The following BABAM2 variants were observed in gnomAD, a reference collection of about 807,000 sequenced individuals.
BABAM2 encodes BRISC and BRCA1 A complex member 2.
In BABAM2, 31 loss-of-function variants were observed where a neutral mutation model predicts 54.7. That is an observed-to-expected ratio of 0.57 (90% CI 0.43 to 0.77). The LOEUF (loss-of-function observed/expected upper bound fraction) is 0.77, where lower values mean the gene tolerates loss of function less well. Among genes scored for constraint, BABAM2 ranks in the 30% least tolerant of loss-of-function variants. The pLI is 0.00. For missense variants in BABAM2, 364 were observed against 455.8 expected, an observed-to-expected ratio of 0.80 and a Z score of 1.83; for synonymous variants, 167 against 162.9, an observed-to-expected ratio of 1.03 and a Z score of -0.19.
intron 6 of BABAM2, among the ~76,000 whole-genome samples, chr2:28,109,590 T>A (rs1246338909): frequency 6.6e-6 from 1 of 152,196 alleles, no homozygotes; most frequent in Non-Finnish European, 1.5e-5. Flanking sequence ...TAACATTTTC[T>A]GATTTTCTTT....
At chr2:28,002,816 G>C (rs2148515347) in intron 4 of BABAM2, among the ~76,000 whole-genome samples, 1 of 152,238 alleles carries the variant, frequency 6.6e-6, no homozygotes. Flanking sequence ...AAAGATGATT[G>C]ACTAATTTAA....
At chr2:28,237,142 G>A in intron 7 of BABAM2, 60 bp from the exon 8 acceptor site, 1 of 1,450,862 alleles carries the variant, frequency 6.9e-7, no homozygotes, top group Non-Finnish European at 9.7e-7. Flanking sequence ...GCTTGGGGGT[G>A]TCACTTCTTA....
intron 6 of BABAM2, among the ~76,000 whole-genome samples, chr2:28,101,781 A>G (rs1410746822): frequency 6.6e-6 from 1 of 152,216 alleles, no homozygotes; most frequent in Non-Finnish European, 1.5e-5. Context: ...ATTGATAGGA[A>G]GCTCACACAT....
chr2:28,015,733 G>A, intron 4 of BABAM2: 1 of 1,048,864 alleles, frequency 9.5e-7, no homozygotes, highest in South Asian at 1.6e-5. Flanking sequence ...AGGGAATCCT[G>A]ATTTTTCTGA....
chr2:27,919,461 A>G (rs1667202822), intron 2 of BABAM2, among the ~76,000 whole-genome samples: 1 of 152,160 alleles, frequency 6.6e-6, no homozygotes, highest in Non-Finnish European at 1.5e-5. Flanking sequence ...TTTTGTTTTT[A>G]AGTATGATGT....
At chr2:28,007,662 C>T (rs137880168) in intron 4 of BABAM2, among the ~76,000 whole-genome samples, 1 of 152,212 alleles carries the variant, frequency 6.6e-6, no homozygotes, top group African/African-American at 2.4e-5. Context: ...TATTTTGTAT[C>T]CCTTAGACCT....
chr2:28,207,430 G>A (rs1051709715), intron 7 of BABAM2, among the ~76,000 whole-genome samples: 7 of 151,928 alleles, frequency 4.6e-5, no homozygotes, highest in South Asian at 2.1e-4. Context: ...GAGTGATGGC[G>A]TGCACCTATA....
intron 6 of BABAM2, among the ~76,000 whole-genome samples, chr2:28,066,308 CTG>C (rs1477564946): frequency 1.3e-5 from 2 of 152,026 alleles, no homozygotes; most frequent in African/African-American, 4.8e-5. Flanking sequence ...GTGTTCCTCA[CTG>C]TACTTATTAG....
chr2:28,190,960 T>C (rs1229759518), intron 7 of BABAM2, among the ~76,000 whole-genome samples: 1 of 152,086 alleles, frequency 6.6e-6, no homozygotes, highest in Admixed American at 6.6e-5. Flanking sequence ...AATCAGTACA[T>C]TACACTTCAC....
chr2:27,930,573 G>C (rs1046164596), intron 3 of BABAM2, among the ~76,000 whole-genome samples: 1 of 152,222 alleles, frequency 6.6e-6, no homozygotes, highest in Admixed American at 6.5e-5. Context: ...AATTCTGTCA[G>C]TTTTAGATGT....
intron 11 of BABAM2, among the ~76,000 whole-genome samples, chr2:28,335,756 G>A (rs1180939074): frequency 6.6e-6 from 1 of 152,188 alleles, no homozygotes; most frequent in Non-Finnish European, 1.5e-5. Context: ...TTTGTCCTGA[G>A]CATGAATAAG....
intron 4 of BABAM2, among the ~76,000 whole-genome samples, chr2:28,021,183 A>T (rs1675232577): frequency 6.6e-6 from 1 of 152,192 alleles, no homozygotes; most frequent in Non-Finnish European, 1.5e-5. Context: ...AGAGGGTTCC[A>T]TGGGAGCCAG....
chr2:28,161,547 T>C (rs1673094744), intron 7 of BABAM2, among the ~76,000 whole-genome samples: 1 of 152,164 alleles, frequency 6.6e-6, no homozygotes, highest in Admixed American at 6.5e-5. Context: ...TTCCTTTTAT[T>C]CTGGAGCTAC....
chr2:28,073,260 T>C (rs1664336696), intron 6 of BABAM2, among the ~76,000 whole-genome samples: 1 of 152,156 alleles, frequency 6.6e-6, no homozygotes, highest in Non-Finnish European at 1.5e-5. Flanking sequence ...TTTGGGAGGC[T>C]GAGGCAGGAG....
chr2:28,141,207 G>A (rs145234260), intron 7 of BABAM2, among the ~76,000 whole-genome samples: 170 of 152,150 alleles, frequency 1.1e-3, no homozygotes, highest in African/African-American at 3.8e-3. Flanking sequence ...ATGTATATGT[G>A]TGTATATATC....
intron 7 of BABAM2, among the ~76,000 whole-genome samples, chr2:28,198,971 C>T (rs755599001): frequency 6.6e-6 from 1 of 152,186 alleles, no homozygotes; most frequent in South Asian, 2.1e-4. Flanking sequence ...GGGAGGAAGG[C>T]CAGGCAATGT....
At chr2:28,252,125 G>A (rs997487277) in intron 10 of BABAM2, among the ~76,000 whole-genome samples, 1 of 151,758 alleles carries the variant, frequency 6.6e-6, no homozygotes, top group South Asian at 2.1e-4. Context: ...GGTGGAGGTT[G>A]CAGTGAGCCG....
chr2:27,943,448 C>T (rs2148388947), intron 3 of BABAM2, among the ~76,000 whole-genome samples: 1 of 152,296 alleles, frequency 6.6e-6, no homozygotes, highest in South Asian at 2.1e-4. Context: ...GCTTTTGCCA[C>T]ACTGTTTTGG....
chr2:28,029,375 G>A (rs756370462), intron 5 of BABAM2, among the ~76,000 whole-genome samples: 1 of 152,022 alleles, frequency 6.6e-6, no homozygotes, highest in Non-Finnish European at 1.5e-5. Flanking sequence ...TCCCCCCAGC[G>A]CTTGGCAGTC....
Sources: allele counts gnomAD v4.1 joint callset (sites outside exome capture counted in the v4.1 genomes callset), GRCh38; gene constraint gnomAD v4.1.1; transcripts MANE v1.5; gene names NCBI Gene and HGNC (gene_info 2026-07-23, HGNC 2026-07-21).